ZZEF1: variants seen among roughly 807,000 people sequenced by gnomAD.
ZZEF1 encodes the protein zinc finger ZZ-type and EF-hand domain-containing protein 1.
ZZEF1 carries 157 observed loss-of-function variants against 342.8 expected under a neutral mutation model. That is an observed-to-expected ratio of 0.46 (90% confidence interval 0.40 to 0.52). ZZEF1 has a LOEUF of 0.52. ZZEF1 is among the 20% of genes least tolerant of loss of function. ZZEF1 has a pLI of 0.00. For missense variants in ZZEF1, 3,480 were observed against 3,725.6 expected (o/e 0.93, Z 1.72); for synonymous variants, 1,505 against 1,429.1 (o/e 1.05, Z -1.20).
chr17:4,096,733 A>G (rs750462447), intron 9 of ZZEF1, 33 bp from the exon 10 acceptor site: 1 of 1,573,726 alleles, frequency 6.4e-7, no homozygotes, highest in East Asian at 2.2e-5. Context: ...TTAGGGAACT[A>G]ACCCATTTTT....
intron 25 of ZZEF1, 124 bp from the exon 26 acceptor site, chr17:4,071,048 C>A (rs1412280476): frequency 1.7e-6 from 2 of 1,157,518 alleles, no homozygotes; most frequent in African/African-American, 1.6e-5. Flanking sequence ...AAGTTTAAAT[C>A]TATTTTAGGA....
In ZZEF1 at chr17:4,087,742, T is replaced by C. The variant is rs542738680; in HGVS notation, c.2242-208A>G. Among the ~76,000 whole-genome samples the C allele has an allele frequency of 3.1e-4, 47 of 151,654 alleles. 1 individual carries two copies. Among genetic ancestry groups the C allele is most frequent in the Admixed American group, 2.0e-3 (30 of 15,228 alleles). On this transcript the variant is annotated intron_variant, in intron 13 of 54. Transcript: ENST00000381638. ...CTTTCTAAAATATATGTGTGTGTTA[T>C]ATGTATGTATGTATGTAAGTGTATA... is the stretch of plus-strand genomic sequence containing the variant.
chr17:4,031,343 A>AATAAATAC (rs2056541358), intron 42 of ZZEF1, among the ~76,000 whole-genome samples: 2 of 151,694 alleles, frequency 1.3e-5, no homozygotes, highest in Admixed American at 1.3e-4. Flanking sequence ...TAAATAAATA[A>AATAAATAC]ATAAATAAAT....
chr17:4,010,708 G>A (rs1440151534), intron 52 of ZZEF1, among the ~76,000 whole-genome samples: 2 of 94,994 alleles, frequency 2.1e-5, no homozygotes, highest in African/African-American at 8.8e-5. Context: ...CCAAGTGACA[G>A]TGTGAGATTC....
Position 4,080,354 on chromosome 17 carries a change from G to T in ZZEF1, c.2829+1022C>A, listed in dbSNP as rs139644141. 8.1e-3 allele frequency among the ~76,000 whole-genome samples: 1,223 copies of T among 151,252 alleles called. 11 individuals carry two copies. Among genetic ancestry groups the T allele is most frequent in the African/African-American group, 0.028 (1,168 of 41,260 alleles). ...TTGTTTTTTGTTTGTTTGTTTGTTT[G>T]TTTTGAGACAGAGTTTCGCTCGTTG... On this transcript the variant is annotated intron_variant, in intron 18 of 54. Transcript: ENST00000381638.
At chr17:4,123,036 C>T (rs2058510027) in intron 2 of ZZEF1, among the ~76,000 whole-genome samples, 1 of 150,834 alleles carries the variant, frequency 6.6e-6, no homozygotes, top group African/African-American at 2.4e-5. Flanking sequence ...TCTCCTGCCT[C>T]AGCCTCCCGA....
In ZZEF1 at chr17:4,017,592, C is replaced by A; in HGVS notation, c.7780G>T (p.Glu2594Ter). 3.1e-6 allele frequency: 5 copies of A among 1,614,242 alleles called. No individual in the cohort carries two copies. The highest frequency in any genetic ancestry group is 4.2e-6 in the Non-Finnish European group (5 of 1,180,046). ...RSKSAALLHKELNCKSKRAVR... is the reference protein window; with the variant it reads ...RSKSAALLHK ...GCCCTCTTACTCTTGCAGTTCAGCTCCTTGTGCAGGAGGGCGGCGCTCTTG... is the reference window on the plus strand; with the variant it reads ...GCCCTCTTACTCTTGCAGTTCAGCTACTTGTGCAGGAGGGCGGCGCTCTTG... The change falls in exon 48 of 55, where the codon GAG becomes TAG. Residue 2594 changes from glutamate (E) to a stop codon, truncating the protein, a stop_gained. Coordinates refer to ENST00000381638, the MANE Select transcript of ZZEF1 (RefSeq NM_015113.4). LOFTEE classifies it high-confidence loss of function. The surrounding 1 kb of genome is among the most constrained non-coding windows in gnomAD (Gnocchi z 5.1).
At chr17:4,099,747 T>G (rs2058095495) in intron 9 of ZZEF1, among the ~76,000 whole-genome samples, 1 of 152,094 alleles carries the variant, frequency 6.6e-6, no homozygotes, top group South Asian at 2.1e-4. Flanking sequence ...GGTTTCACCA[T>G]GTTGGCCAGG....
chr17:4,008,838 G>A lies in ZZEF1; in HGVS notation c.8805+45C>T, dbSNP rs1272712911. 4.5e-6 allele frequency: 7 copies of A among 1,540,454 alleles called. No individual in the cohort carries two copies. The highest frequency in any genetic ancestry group is 5.2e-6 in the Non-Finnish European group (6 of 1,145,882). Reference sequence around the variant, plus strand: ...TCTGCCCTGGCAATGGTGAGATGGTGGCGCCCCAGCCTGGGGGCCAGCTCT... The same window carrying A: ...TCTGCCCTGGCAATGGTGAGATGGTAGCGCCCCAGCCTGGGGGCCAGCTCT... On this transcript the variant is annotated intron_variant, in intron 54 of 54. Transcript: ENST00000381638. This position sits in a 1 kb window ranked among gnomAD's most constrained non-coding sequence, Gnocchi z 4.2.
At chr17:4,023,198 T>G (rs2056315358) in intron 43 of ZZEF1, among the ~76,000 whole-genome samples, 1 of 152,208 alleles carries the variant, frequency 6.6e-6, no homozygotes, top group Non-Finnish European at 1.5e-5. Flanking sequence ...TGTAATGCTC[T>G]GTCCAGTTTT....
chr17:4,066,152 G>A (rs970683801), intron 28 of ZZEF1, among the ~76,000 whole-genome samples: 1 of 152,096 alleles, frequency 6.6e-6, no homozygotes, highest in African/African-American at 2.4e-5. Context: ...CTGGGAGACA[G>A]AACGAGACCC....
intron 1 of ZZEF1, 115 bp downstream of exon 1, chr17:4,142,427 A>C: frequency 8.9e-7 from 1 of 1,118,390 alleles, no homozygotes; most frequent in Non-Finnish European, 1.2e-6. Flanking sequence ...GAAAAGCTGG[A>C]AACACCTCAT....
intron 42 of ZZEF1, among the ~76,000 whole-genome samples, chr17:4,026,637 T>C (rs2056412061): frequency 1.3e-5 from 2 of 151,950 alleles, no homozygotes; most frequent in Admixed American, 1.3e-4. Context: ...TTCTCCTGCC[T>C]TGGCCTCCCA....
chr17:4,102,403 T>C lies in ZZEF1; in HGVS notation c.1586A>G (p.Gln529Arg), dbSNP rs757278242. ...GACATCACATGCCTGAAGAGTCAAC[T>C]GGAGAGGTTTACCTGACCAAAGAAA... Reference protein sequence around the residue: ...NLLLKYGKPLQLTLQACDVKG... With the variant: ...NLLLKYGKPLRLTLQACDVKG... The change falls in exon 9 of 55, where the codon CAG becomes CGG. Residue 529 changes from glutamine (Q) to arginine (R), a missense_variant. Gln to Arg is a conservative substitution (Grantham distance 43, BLOSUM62 1). This residue lies in a region of ZZEF1 where 1,528 missense variants were observed against 1,624.1 expected (regional missense o/e 0.94). Coordinates refer to ENST00000381638, the MANE Select transcript of ZZEF1 (RefSeq NM_015113.4). The C allele has an allele frequency of 2.5e-6, 4 of 1,613,540 alleles. No individual in the cohort carries two copies. Among genetic ancestry groups the C allele is most frequent in the South Asian group, 1.1e-5 (1 of 91,074 alleles).
In ZZEF1 at chr17:4,006,163, C is replaced by CAAA; in HGVS notation, c.*726_*727insTTT. On this transcript the variant is annotated 3_prime_UTR_variant, in exon 55 of 55. Coordinates refer to ENST00000381638, the MANE Select transcript of ZZEF1 (RefSeq NM_015113.4). ...ATGCCCTCGAGCCCCTCCAGGGAGACAGTGTGGTTCTGCTCTAAAAACGTG... is the reference window on the plus strand; with the variant it reads ...ATGCCCTCGAGCCCCTCCAGGGAGACAAAAGTGTGGTTCTGCTCTAAAAACGTG... The CAAA allele has an allele frequency of 6.5e-6, 1 of 153,660 alleles. No individual in the cohort carries two copies. The highest frequency in any genetic ancestry group is 1.9e-4 in the East Asian group (1 of 5,198). 9.5% of individuals were successfully genotyped at this position (153,660 alleles called of 1,614,324 possible).
At chr17:4,126,691 A>C (rs898624033) in intron 1 of ZZEF1, among the ~76,000 whole-genome samples, 1 of 152,172 alleles carries the variant, frequency 6.6e-6, no homozygotes, top group Admixed American at 6.5e-5. Context: ...GTGCTGGCTC[A>C]TGTCTATAAT....
At chr17:4,132,943 G>A (rs1301278781) in intron 1 of ZZEF1, among the ~76,000 whole-genome samples, 2 of 151,832 alleles carry the variant, frequency 1.3e-5, no homozygotes, top group East Asian at 1.9e-4. Flanking sequence ...TCCAGCCTGG[G>A]CGACAGAGCG....
intron 6 of ZZEF1, among the ~76,000 whole-genome samples, chr17:4,106,315 C>G (rs753620091): frequency 2.6e-4 from 39 of 152,126 alleles, no homozygotes; most frequent in South Asian, 1.0e-3. Context: ...TTGTTTGTTT[C>G]TTTCTTTCTT....
intron 34 of ZZEF1, among the ~76,000 whole-genome samples, chr17:4,052,339 C>T (rs150039833): frequency 1.5e-4 from 23 of 152,294 alleles, no homozygotes; most frequent in Non-Finnish European, 2.5e-4. Context: ...CAGAATTTCT[C>T]GGCAATGGTA....
Sources: allele counts gnomAD v4.1 joint callset (sites outside exome capture counted in the v4.1 genomes callset), GRCh38; gene constraint gnomAD v4.1.1; regional missense constraint gnomAD v4.1.1; non-coding constraint Gnocchi (gnomAD v3.1); transcripts MANE v1.5; gene names NCBI Gene and HGNC (gene_info 2026-07-23, HGNC 2026-07-21).